Variants in PLXND1 observed in about 807,000 individuals in gnomAD.
PLXND1 encodes the protein plexin D1.
PLXND1 carries 54 observed loss-of-function variants against 197.7 expected under a neutral mutation model. The observed-to-expected ratio is 0.27, with a 90% CI of 0.22 to 0.34. PLXND1 has a LOEUF of 0.34. Ranked by LOEUF, PLXND1 falls within the 10% of genes least tolerant of loss-of-function variation. The probability of loss-of-function intolerance (pLI) is 1.00; values close to 1 mark genes in which losing one functional copy is unlikely to be tolerated. For missense variants in PLXND1, 2,127 were observed against 2,699.2 expected, an observed-to-expected ratio of 0.79 and a Z score of 4.70; for synonymous variants, 1,180 against 1,161.2, an observed-to-expected ratio of 1.02 and a Z score of -0.33.
chr3:129,594,771 T>C (rs1036119252), intron 1 of PLXND1, among the ~76,000 whole-genome samples: 2 of 152,036 alleles, frequency 1.3e-5, no homozygotes, highest in East Asian at 1.9e-4. Context: ...ATGTTAGCAA[T>C]GGGAGAAACT....
chr3:129,560,196 C>A, intron 31 of PLXND1, 134 bp downstream of exon 31: 1 of 638,488 alleles, frequency 1.6e-6, no homozygotes, highest in South Asian at 1.9e-5. Flanking sequence ...CCTCCAGCCC[C>A]ACAGGGGAAA....
At chr3:129,576,271 C>T (rs556524210) in intron 9 of PLXND1, among the ~76,000 whole-genome samples, 3 of 152,228 alleles carry the variant, frequency 2.0e-5, no homozygotes, top group Non-Finnish European at 4.4e-5. Flanking sequence ...TCTCCTGCCC[C>T]GGCCTTTGCC....
intron 1 of PLXND1, among the ~76,000 whole-genome samples, chr3:129,593,463 G>A (rs1327803076): frequency 6.6e-6 from 1 of 152,216 alleles, no homozygotes; most frequent in African/African-American, 2.4e-5. Context: ...TCCCTCTCCA[G>A]GCATGCCCAG....
chr3:129,589,542 G>C lies in PLXND1; in HGVS notation c.1312-15C>G. 2 of 1,552,902 alleles carry C rather than the reference G, an allele frequency of 1.3e-6. No individual in the cohort carries two copies. Among genetic ancestry groups the C allele is most frequent in the Non-Finnish European group, 1.7e-6 (2 of 1,151,368 alleles). On this transcript the variant is annotated splice_polypyrimidine_tract_variant and intron_variant, in intron 1 of 35. Transcript: ENST00000324093. ...TCTGGCTGGAGCTGGAAGAGGAACG[G>C]CACGTCAGATCCCAGCTCCAGAACC...
At chr3:129,600,605 G>C (rs2085693604) in intron 1 of PLXND1, among the ~76,000 whole-genome samples, 2 of 151,884 alleles carry the variant, frequency 1.3e-5, no homozygotes, top group South Asian at 4.2e-4. Context: ...TCTCAGGGCT[G>C]GGAGGGATGT....
rs774569045 is a variant in PLXND1 at position 129,565,408 on chromosome 3, G to A, written c.4453C>T (p.Arg1485Cys). The change falls in exon 25 of 36, where the codon CGC (arginine) becomes TGC (cysteine). Residue 1485 changes from arginine (R) to cysteine (C), a missense_variant. Physicochemically the swap from Arg to Cys is radical, Grantham distance 180. Transcript: ENST00000324093. ...AAKNPKLMLRRTESVVEKMLT... is the reference protein window; with the variant it reads ...AAKNPKLMLRCTESVVEKMLT... Reference sequence around the variant, plus strand: ...ATCTTCTCCACCACAGACTCTGTGCGCCGCAGCATGAGCTTGGGGTTCTTG... The same window carrying A: ...ATCTTCTCCACCACAGACTCTGTGCACCGCAGCATGAGCTTGGGGTTCTTG... The A allele has an allele frequency of 5.6e-6, 9 of 1,614,002 alleles. No homozygotes were observed. The highest frequency in any genetic ancestry group is 2.2e-5 in the South Asian group (2 of 91,088).
At chr3:129,589,307 G>GCCGGGGCCCCCCCC in intron 2 of PLXND1, 44 bp downstream of exon 2, 4 of 684,688 alleles carry the variant, frequency 5.8e-6, no homozygotes, top group African/African-American at 1.8e-5. Context: ...TCCCAGGGGA[G>GCCGGGGCCCCCCCC]CCTCCCACCC....
chr3:129,587,562 G>A (rs879390207), intron 2 of PLXND1, among the ~76,000 whole-genome samples: 15 of 152,140 alleles, frequency 9.9e-5, no homozygotes, highest in Non-Finnish European at 2.1e-4. Flanking sequence ...CCCCAGGCTG[G>A]GCATTTTGAG....
chr3:129,584,362 T>C, intron 6 of PLXND1, 23 bp downstream of exon 6: 2 of 1,608,754 alleles, frequency 1.2e-6, no homozygotes. Flanking sequence ...TCTGGGGCTG[T>C]GCCAACAGCA....
rs867518920 is a variant in PLXND1, at chr3:129,562,850, G to A, written c.4762C>T (p.Leu1588=). Reference sequence around the variant, plus strand: ...GGCACATTCTTGCAGAAGGCCTCCAGGATCTTCTCCTTGACCTGTGTCAGC... The same window carrying A: ...GGCACATTCTTGCAGAAGGCCTCCAAGATCTTCTCCTTGACCTGTGTCAGC... The part of the protein sequence containing the change: ...DTLTQVKEKI[L]EAFCKNVPYS... The change falls in exon 27 of 36, where the codon CTG becomes TTG. Residue 1588 remains leucine, a synonymous_variant. Coordinates refer to ENST00000324093, the MANE Select transcript of PLXND1 (RefSeq NM_015103.3). 6.2e-7 allele frequency: 1 copy of A among 1,612,274 alleles called. No individual in the cohort carries two copies. The highest frequency in any genetic ancestry group is 1.3e-5 in the African/African-American group (1 of 75,034).
At position 129,584,417 on chromosome 3, in the gene PLXND1, C is replaced by G. The variant is rs561859042; in HGVS notation, c.1997G>C (p.Arg666Thr). ...HQIAYCNLLP[R>T]DQFPPFPPNQ... Reference sequence around the variant, plus strand: ...GGGGGGGAAGGGCGGAAACTGGTCCCTCGGCAGGAGGTTGCAGTAGGCAAT... The same window carrying G: ...GGGGGGGAAGGGCGGAAACTGGTCCGTCGGCAGGAGGTTGCAGTAGGCAAT... Residue 666 changes from arginine (R) to threonine (T), a missense_variant, in exon 6 of 36, where the codon AGG becomes ACG. Around this residue, in one of 6 missense-constraint regions of PLXND1, gnomAD observed 1,095 missense variants for 1,259.8 expected, o/e 0.87. Coordinates refer to ENST00000324093, the MANE Select transcript of PLXND1 (RefSeq NM_015103.3). The G allele has an allele frequency of 6.2e-7, 1 of 1,613,396 alleles. No homozygotes were observed. Among genetic ancestry groups the G allele is most frequent in the African/African-American group, 1.3e-5 (1 of 75,050 alleles).
chr3:129,589,310 T>TCCCCCCCCCCCCCCCCCCCCCCCACCC, intron 2 of PLXND1, 41 bp downstream of exon 2: 2 of 501,294 alleles, frequency 4.0e-6, no homozygotes, highest in East Asian at 5.1e-5. Flanking sequence ...CAGGGGAGCC[T>TCCCCCCCCCCCCCCCCCCCCCCCACCC]CCCACCCCCA....
intron 23 of PLXND1, 56 bp downstream of exon 23, chr3:129,566,471 G>T (rs533517858): frequency 5.9e-5 from 62 of 1,043,942 alleles, no homozygotes; most frequent in African/African-American, 2.5e-4. Flanking sequence ...GGGGACCCAG[G>T]GGGGAGCAGG....
chr3:129,566,166 GGGAACAATAGCTT>G, intron 23 of PLXND1, 149 bp from the exon 24 acceptor site: 1 of 738,932 alleles, frequency 1.4e-6, no homozygotes, highest in Non-Finnish European at 2.2e-6. Flanking sequence ...CTTTGTGACA[GGGAACAATAGCTT>G]GGTTGAATTG....
intron 1 of PLXND1, among the ~76,000 whole-genome samples, chr3:129,597,881 CCATGGCAATCCCCA>C (rs771424864): frequency 1.3e-5 from 2 of 152,238 alleles, no homozygotes; most frequent in African/African-American, 2.4e-5. Flanking sequence ...CGGCTGGTTT[CCATGGCAATCCCCA>C]CATGGCTGTC....
rs1211365652 is a variant in PLXND1, at chr3:129,557,960, T to A, written c.5445+468A>T. On this transcript the variant is annotated intron_variant, in intron 33 of 35. Coordinates refer to ENST00000324093, the MANE Select transcript of PLXND1 (RefSeq NM_015103.3). This position sits in a 1 kb window ranked among gnomAD's most constrained non-coding sequence, Gnocchi z 4.8. ...CTCTAAAGCCAGACACAGCCTTGTG[T>A]GCCCCCAACACACCGCATGAATCTC... 6.6e-6 allele frequency among the ~76,000 whole-genome samples: 1 copy of A among 152,208 alleles called. No homozygotes were observed.
chr3:129,570,679 G>C, intron 19 of PLXND1, 107 bp downstream of exon 19: 3 of 1,094,968 alleles, frequency 2.7e-6, no homozygotes, highest in Non-Finnish European at 4.1e-6. Flanking sequence ...GAGCTGTTGA[G>C]CGTGAAAACG....
At chr3:129,589,654 A>C (rs2251008) in intron 1 of PLXND1, 127 bp from the exon 2 acceptor site, 39,459 of 807,674 alleles carry the variant, frequency 0.049, 1,394 homozygotes, top group East Asian at 0.11. Flanking sequence ...TTATATCCTC[A>C]GTGCTCAGCT....
chr3:129,583,527 T>C (rs975086810), intron 8 of PLXND1, 40 bp downstream of exon 8: 3 of 1,264,306 alleles, frequency 2.4e-6, no homozygotes, highest in African/African-American at 3.0e-5. Context: ...AAAAAGGTAA[T>C]GAAACAGCAG....
Sources: allele counts gnomAD v4.1 joint callset (sites outside exome capture counted in the v4.1 genomes callset), GRCh38; gene constraint gnomAD v4.1.1; regional missense constraint gnomAD v4.1.1; non-coding constraint Gnocchi (gnomAD v3.1); transcripts MANE v1.5; gene names NCBI Gene and HGNC (gene_info 2026-07-23, HGNC 2026-07-21).